The following DLC1 variants were observed in gnomAD, a reference collection of about 807,000 sequenced individuals.
The protein encoded by DLC1 is DLC1 Rho GTPase activating protein, also known as rho GTPase-activating protein 7.
DLC1 carries 54 observed loss-of-function variants against 140.3 expected under a neutral mutation model. That is an observed-to-expected ratio of 0.38 (90% CI 0.31 to 0.48). The LOEUF (loss-of-function observed/expected upper bound fraction) is 0.48, where lower values mean the gene tolerates loss of function less well. Among genes scored for constraint, DLC1 ranks in the 20% least tolerant of loss-of-function variants. The pLI is 0.96. For synonymous variants in DLC1, 986 were observed against 728.1 expected, an observed-to-expected ratio of 1.35 and a Z score of -5.70; for missense variants, 2,536 against 1,907.0, an observed-to-expected ratio of 1.33 and a Z score of -6.14.
At chr8:13,507,652 C>T (rs114859229) in intron 1 of DLC1, among the ~76,000 whole-genome samples, 4,241 of 152,232 alleles carry the variant, frequency 0.028, 72 homozygotes, top group Non-Finnish European at 0.033. Flanking sequence ...ACTTGTTATA[C>T]CTCATTACAT....
chr8:13,101,939 C>T (rs1419330966), intron 8 of DLC1, among the ~76,000 whole-genome samples: 3 of 152,038 alleles, frequency 2.0e-5, no homozygotes, highest in African/African-American at 7.3e-5. Flanking sequence ...TGGAAAATAT[C>T]CTGTGGCCCA....
chr8:13,272,222 T>C (rs2117386151), intron 5 of DLC1, among the ~76,000 whole-genome samples: 1 of 151,676 alleles, frequency 6.6e-6, no homozygotes, highest in East Asian at 2.0e-4. Context: ...CCAAAGTGGG[T>C]GGATCATTTG....
At chr8:13,283,118 A>G (rs1036531692) in intron 5 of DLC1, among the ~76,000 whole-genome samples, 17 of 152,198 alleles carry the variant, frequency 1.1e-4, no homozygotes, top group African/African-American at 3.6e-4. Context: ...ACCAAACAGG[A>G]ACCCAAATAT....
intron 6 of DLC1, among the ~76,000 whole-genome samples, chr8:13,114,462 T>A (rs1820375476): frequency 6.6e-6 from 1 of 151,882 alleles, no homozygotes; most frequent in South Asian, 2.1e-4. Context: ...GACCTCAGTA[T>A]CCAAGCAATC....
chr8:13,516,025 T>G (rs1802574290), upstream of DLC1, among the ~76,000 whole-genome samples: 1 of 152,164 alleles, frequency 6.6e-6, no homozygotes, highest in Non-Finnish European at 1.5e-5. Context: ...GTAGAGCAGC[T>G]TCATTGTTTA....
chr8:13,462,555 C>T (rs148132152), intron 2 of DLC1, among the ~76,000 whole-genome samples: 3,543 of 139,658 alleles, frequency 0.025, 58 homozygotes, highest in Middle Eastern at 0.045. Flanking sequence ...AGGTGTCCGC[C>T]ACCACGCCCA....
At chr8:13,554,774 C>T (rs1046887978) in intron 1 of DLC1, among the ~76,000 whole-genome samples, 2 of 152,136 alleles carry the variant, frequency 1.3e-5, no homozygotes, top group Non-Finnish European at 2.9e-5. Flanking sequence ...CTCATTCCAC[C>T]TCCCCACTCA....
intron 5 of DLC1, among the ~76,000 whole-genome samples, chr8:13,256,516 A>G (rs1830235036): frequency 2.6e-5 from 4 of 152,232 alleles, no homozygotes. Context: ...TGTGGCACAT[A>G]TACACCATGG....
At chr8:13,226,753 C>G (rs1326941255) in intron 5 of DLC1, among the ~76,000 whole-genome samples, 1 of 152,190 alleles carries the variant, frequency 6.6e-6, no homozygotes, top group East Asian at 1.9e-4. Flanking sequence ...GCTACCCTGA[C>G]TTGCTGCCAC....
rs1419772740 is a variant in DLC1, at chr8:13,305,253, C to CA, written c.1348+15dup. On this transcript the variant is annotated intron_variant, in intron 5 of 17. Transcript: ENST00000276297. The stretch of plus-strand genomic sequence containing the variant: ...AAATAGATTGGCGAGAAAACAGAAC[C>CA]AAAATGTCAACTTACCAGCCTTTTC... 2 of 1,603,536 alleles carry CA rather than the reference C, an allele frequency of 1.2e-6. No individual in the cohort carries two copies. Among genetic ancestry groups the CA allele is most frequent in the African/African-American group, 1.3e-5 (1 of 74,318 alleles).
chr8:13,445,415 T>G (rs568430813), intron 2 of DLC1, among the ~76,000 whole-genome samples: 1 of 152,270 alleles, frequency 6.6e-6, no homozygotes, highest in South Asian at 2.1e-4. Flanking sequence ...AGATACATAG[T>G]TTAAATCCTC....
At chr8:13,476,734 A>G (rs370197255) in intron 2 of DLC1, among the ~76,000 whole-genome samples, 8 of 152,338 alleles carry the variant, frequency 5.3e-5, no homozygotes, top group Middle Eastern at 3.4e-3. Context: ...TATCTTGTTC[A>G]TCTTTGAACA....
At chr8:13,408,739 A>C (rs558369826) in intron 2 of DLC1, among the ~76,000 whole-genome samples, 1 of 152,288 alleles carries the variant, frequency 6.6e-6, no homozygotes, top group East Asian at 1.9e-4. Flanking sequence ...CTGAGCTGAT[A>C]TGTATTCCAT....
chr8:13,110,126 G>A (rs1482633670), intron 7 of DLC1, among the ~76,000 whole-genome samples: 4 of 150,314 alleles, frequency 2.7e-5, no homozygotes, highest in Non-Finnish European at 2.9e-5. Context: ...TCCCATCATC[G>A]ACTGCTACAG....
At chr8:13,207,127 T>C (rs535673224) in intron 5 of DLC1, among the ~76,000 whole-genome samples, 1 of 152,188 alleles carries the variant, frequency 6.6e-6, no homozygotes, top group Non-Finnish European at 1.5e-5. Flanking sequence ...TTACTACCTA[T>C]TAAAACTCAT....
At chr8:13,124,975 CT>C (rs989277752) in intron 5 of DLC1, among the ~76,000 whole-genome samples, 29 of 151,712 alleles carry the variant, frequency 1.9e-4, no homozygotes, top group African/African-American at 6.5e-4. Context: ...ATTTGCCTTT[CT>C]TTTTTCCTTT....
At chr8:13,364,293 A>C (rs1181074776) in intron 4 of DLC1, among the ~76,000 whole-genome samples, 1 of 137,070 alleles carries the variant, frequency 7.3e-6, no homozygotes, top group African/African-American at 2.7e-5. Context: ...TTCTCTGGGT[A>C]ATGAAACTTT....
At chr8:13,186,894 T>C (rs1826403350) in intron 5 of DLC1, among the ~76,000 whole-genome samples, 1 of 152,250 alleles carries the variant, frequency 6.6e-6, no homozygotes, top group Admixed American at 6.5e-5. Flanking sequence ...TAGTTTTCCT[T>C]CTAATAGTCA....
intron 4 of DLC1, among the ~76,000 whole-genome samples, chr8:13,336,138 A>G (rs1833803293): frequency 6.6e-6 from 1 of 152,098 alleles, no homozygotes. Flanking sequence ...TTTCCTTGTA[A>G]ATCTTCCAAT....
Sources: gnomAD v4.1 joint callset for allele counts (sites outside exome capture counted in the v4.1 genomes callset) on GRCh38, gnomAD v4.1.1 for gene constraint, MANE v1.5 for transcripts, NCBI Gene and HGNC (gene_info 2026-07-23, HGNC 2026-07-21) for gene names.